PRKAG2: variants seen among roughly 807,000 people sequenced by gnomAD.
The protein encoded by PRKAG2 is protein kinase AMP-activated non-catalytic subunit gamma 2.
PRKAG2 carries 26 observed loss-of-function variants against 69.6 expected under a neutral mutation model. The ratio of observed to expected loss-of-function variants is 0.37; its 90% CI spans 0.27 to 0.52. The LOEUF (loss-of-function observed/expected upper bound fraction) is 0.52, where lower values mean the gene tolerates loss of function less well. Among genes scored for constraint, PRKAG2 ranks in the 20% least tolerant of loss-of-function variants. The probability of loss-of-function intolerance (pLI) is 0.90; values close to 1 mark genes in which losing one functional copy is unlikely to be tolerated. For missense variants in PRKAG2, 557 were observed against 740.0 expected (o/e 0.75, Z 2.87); for synonymous variants, 293 against 285.0 (o/e 1.03, Z -0.28).
At chr7:151,827,721 G>C (rs1465119945) in intron 1 of PRKAG2, among the ~76,000 whole-genome samples, 2 of 114,396 alleles carry the variant, frequency 1.7e-5, no homozygotes, top group Non-Finnish European at 3.3e-5. Context: ...TATTCCAGTA[G>C]GAATTTCTTG....
intron 1 of PRKAG2, among the ~76,000 whole-genome samples, chr7:151,852,240 C>A (rs1187583212): frequency 6.6e-6 from 1 of 152,186 alleles, no homozygotes; most frequent in Non-Finnish European, 1.5e-5. Flanking sequence ...GAAACTCGTG[C>A]CTGTAATCCC....
intron 4 of PRKAG2, among the ~76,000 whole-genome samples, chr7:151,639,301 C>A (rs1826273116): frequency 6.6e-6 from 1 of 152,240 alleles, no homozygotes; most frequent in African/African-American, 2.4e-5. Context: ...GCCAGCCGGG[C>A]AGCTTGAGCT....
intron 3 of PRKAG2, chr7:151,735,965 T>C (rs1799727968): frequency 6.5e-7 from 1 of 1,536,394 alleles, no homozygotes; most frequent in Non-Finnish European, 8.7e-7. Context: ...GTGTTTCTTG[T>C]TGCTCCTGAG....
intron 14 of PRKAG2, among the ~76,000 whole-genome samples, chr7:151,561,175 T>G (rs891598340): frequency 1.1e-4 from 17 of 152,362 alleles, no homozygotes; most frequent in South Asian, 8.3e-4. Flanking sequence ...CTGATTTGCT[T>G]GCTTACTTTT....
chr7:151,642,181 G>GAA (rs1231448759), intron 4 of PRKAG2, among the ~76,000 whole-genome samples: 284 of 142,730 alleles, frequency 2.0e-3, no homozygotes, highest in African/African-American at 6.7e-3. Context: ...TAAAAATACA[G>GAA]AAAAAAAAAA....
At chr7:151,813,534 A>G (rs77134166) in intron 1 of PRKAG2, among the ~76,000 whole-genome samples, 4,512 of 151,290 alleles carry the variant, frequency 0.03, 237 homozygotes, top group African/African-American at 0.1. Context: ...AGTGCCATGC[A>G]TCAATGTCAC....
chr7:151,731,633 G>A (rs970539300), intron 3 of PRKAG2, among the ~76,000 whole-genome samples: 8 of 152,230 alleles, frequency 5.3e-5, no homozygotes, highest in African/African-American at 1.9e-4. Flanking sequence ...TTGTCCCTGG[G>A]GAAGCAGCTC....
intron 1 of PRKAG2, among the ~76,000 whole-genome samples, chr7:151,789,837 G>C (rs1299707654): frequency 6.6e-6 from 1 of 152,180 alleles, no homozygotes. Context: ...AGGAGTCTCA[G>C]ACACAGTCAG....
intron 3 of PRKAG2, among the ~76,000 whole-genome samples, chr7:151,730,235 T>G (rs1266522507): frequency 6.6e-6 from 1 of 152,266 alleles, no homozygotes; most frequent in Non-Finnish European, 1.5e-5. Context: ...CATGCATCTC[T>G]CACTCACTGC....
chr7:151,573,750 A>T (rs1223464838), intron 8 of PRKAG2, among the ~76,000 whole-genome samples: 1 of 152,166 alleles, frequency 6.6e-6, no homozygotes, highest in Non-Finnish European at 1.5e-5. Flanking sequence ...GATATTTACA[A>T]AATCTTTGGT....
chr7:151,685,647 T>C (rs964482335), intron 3 of PRKAG2, among the ~76,000 whole-genome samples: 3 of 151,934 alleles, frequency 2.0e-5, no homozygotes, highest in Admixed American at 6.6e-5. Flanking sequence ...CCTGTGCCCT[T>C]GGCCCCAGCT....
At chr7:151,755,040 C>T (rs1428210837) in intron 3 of PRKAG2, among the ~76,000 whole-genome samples, 3 of 152,098 alleles carry the variant, frequency 2.0e-5, no homozygotes, top group South Asian at 2.1e-4. Flanking sequence ...ATGGAGACCC[C>T]GTGAAGCCCC....
chr7:151,692,106 T>G (rs1225349336), intron 3 of PRKAG2, among the ~76,000 whole-genome samples: 1 of 152,000 alleles, frequency 6.6e-6, no homozygotes, highest in Non-Finnish European at 1.5e-5. Flanking sequence ...GAGGATTACT[T>G]AAGTCTGGGA....
rs11341123 is a variant in PRKAG2, at chr7:151,783,501, ATT to A, written c.187-2072_187-2071del. On this transcript the variant is annotated intron_variant, in intron 2 of 15. Transcript: ENST00000287878. ...GATTACAGTTGTCCATGCCCAGCTG[ATT>A]TTTTTTTTTTGACCATTTAATATGA... 5.9e-4 allele frequency among the ~76,000 whole-genome samples: 88 copies of A among 149,026 alleles called. No homozygotes were observed. In the East Asian group the frequency reaches 7.9e-3, roughly 13 times the overall value.
chr7:151,729,679 G>A (rs945529359), intron 3 of PRKAG2, among the ~76,000 whole-genome samples: 2 of 152,066 alleles, frequency 1.3e-5, no homozygotes, highest in Non-Finnish European at 2.9e-5. Flanking sequence ...TCTCCTACCT[G>A]CCAGAGACCG....
In PRKAG2 at chr7:151,709,163, TTGAG is replaced by T. The variant is rs1839120044; in HGVS notation, c.467-33530_467-33527del. 2.0e-5 allele frequency among the ~76,000 whole-genome samples: 3 copies of T among 152,052 alleles called. No homozygotes were observed. The South Asian group carries it at 6.2e-4, about 32-fold the overall frequency. On this transcript the variant is annotated intron_variant, in intron 3 of 15. Coordinates refer to ENST00000287878, the MANE Select transcript of PRKAG2 (RefSeq NM_016203.4). ...TGAACAATGTGTGAACTGTATGACA[TTGAG>T]TGACACTGTGACACCGATGTATGAA...
In PRKAG2 at chr7:151,843,252, T is replaced by A. The variant is rs539696165; in HGVS notation, c.114+33255A>T. On this transcript the variant is annotated intron_variant, in intron 1 of 15. Transcript: ENST00000287878. ...GTCTAGAACCTGGAACAAAGCTGCA[T>A]ATAAAAGCAGATGGAACACAGCAGC... Among the ~76,000 whole-genome samples the A allele has an allele frequency of 3.3e-5, 5 of 152,246 alleles. No individual in the cohort carries two copies. In the South Asian group the frequency reaches 1.0e-3, roughly 32 times the overall value.
intron 15 of PRKAG2, chr7:151,558,724 G>A (rs776078895): frequency 1.3e-5 from 13 of 985,166 alleles, no homozygotes; most frequent in South Asian, 4.7e-5. Context: ...CCATCTTCAC[G>A]GCACAATTTC....
At chr7:151,728,819 A>G (rs1798429780) in intron 3 of PRKAG2, among the ~76,000 whole-genome samples, 2 of 152,006 alleles carry the variant, frequency 1.3e-5, no homozygotes, top group African/African-American at 4.8e-5. Flanking sequence ...ACACCCCACC[A>G]GCGCCCAGCC....
Sources: allele counts gnomAD v4.1 joint callset (sites outside exome capture counted in the v4.1 genomes callset), GRCh38; gene constraint gnomAD v4.1.1; transcripts MANE v1.5; gene names NCBI Gene and HGNC (gene_info 2026-07-23, HGNC 2026-07-21).